RBP4: variants seen among roughly 807,000 people sequenced by gnomAD.
RBP4 encodes the protein retinol binding protein 4.
A neutral mutation model predicts 26.2 loss-of-function variants in RBP4; 9 were observed. The observed-to-expected ratio is 0.34, with a 90% CI of 0.21 to 0.60. The LOEUF is 0.60. Ranked by LOEUF, RBP4 falls within the 20% of genes least tolerant of loss-of-function variation. RBP4 has a pLI of 0.80. For missense variants in RBP4, 244 were observed against 271.3 expected (o/e 0.90, Z 0.71); for synonymous variants, 114 against 111.0 (o/e 1.03, Z -0.17).
intron 5 of RBP4, 147 bp downstream of exon 5, chr10:93,593,676 A>G: frequency 5.7e-6 from 5 of 873,216 alleles, no homozygotes; most frequent in Non-Finnish European, 9.1e-6. Flanking sequence ...GCCAAGCAGG[A>G]TCTGGATTTG....
intron 2 of RBP4, 22 bp downstream of exon 2, chr10:93,600,896 G>T: frequency 6.2e-7 from 1 of 1,611,598 alleles, no homozygotes; most frequent in Non-Finnish European, 8.5e-7. Context: ...GGGCCGCCTG[G>T]GCCCCCTGGG....
upstream of RBP4, chr10:93,601,707 AATAATTC>A (rs1470793636): frequency 1.3e-6 from 1 of 779,014 alleles, no homozygotes; most frequent in East Asian, 2.4e-5. Flanking sequence ...GGAATTTTGG[AATAATTC>A]ATCCAAGTAG....
Position 93,600,905 on chromosome 10 carries a change from G to A in RBP4, c.111+13C>T, listed in dbSNP as rs770310391. On this transcript the variant is annotated intron_variant, in intron 2 of 5. Transcript: ENST00000371464. ...GGACCTGGGCCGCCTGGGCCCCCTG[G>A]GCCGATACCTACGCGAGCCTTGTCG... 6.2e-7 allele frequency: 1 copy of A among 1,612,132 alleles called. No homozygotes were observed. The highest frequency in any genetic ancestry group is 8.5e-7 in the Non-Finnish European group (1 of 1,179,670).
At chr10:93,592,645 T>C (rs1454039626) in intron 5 of RBP4, among the ~76,000 whole-genome samples, 2 of 152,198 alleles carry the variant, frequency 1.3e-5, no homozygotes, top group African/African-American at 2.4e-5. Context: ...ATCTGTACAA[T>C]GTGCATAATC....
At chr10:93,598,787 G>C (rs1288718727) in intron 4 of RBP4, among the ~76,000 whole-genome samples, 1 of 152,110 alleles carries the variant, frequency 6.6e-6, no homozygotes, top group African/African-American at 2.4e-5. Context: ...GAACATATGT[G>C]TTTCCTCTTT....
chr10:93,596,742 C>T (rs1353392850), intron 4 of RBP4, among the ~76,000 whole-genome samples: 1 of 152,166 alleles, frequency 6.6e-6, no homozygotes, highest in Non-Finnish European at 1.5e-5. Flanking sequence ...TGGTAGAGGG[C>T]GCTGTCTCAG....
At chr10:93,597,844 C>G (rs1195662010) in intron 4 of RBP4, among the ~76,000 whole-genome samples, 1 of 152,122 alleles carries the variant, frequency 6.6e-6, no homozygotes, top group South Asian at 2.1e-4. Flanking sequence ...CTTGGAGTGG[C>G]CTTCAAATCC....
intron 4 of RBP4, among the ~76,000 whole-genome samples, chr10:93,594,948 T>C (rs960445925): frequency 2.0e-5 from 3 of 152,056 alleles, no homozygotes; most frequent in Admixed American, 6.6e-5. Flanking sequence ...GAGACCAACC[T>C]GGGCAACATA....
Position 93,591,960 on chromosome 10 carries a change from T to C in RBP4, c.*115A>G. On this transcript the variant is annotated 3_prime_UTR_variant, in exon 6 of 6. Coordinates refer to ENST00000371464, the MANE Select transcript of RBP4 (RefSeq NM_006744.4). ...GTATCTTTATGTGTAATGAAGGTTT[T>C]ATGGGAACTGAGGGAAGATGGGGAG... 1 of 901,734 alleles carries C rather than the reference T, an allele frequency of 1.1e-6. No individual in the cohort carries two copies. 55.9% of individuals were successfully genotyped at this position (901,734 alleles called of 1,614,324 possible).
chr10:93,595,082 A>G (rs115185967), intron 4 of RBP4, among the ~76,000 whole-genome samples: 6,015 of 152,244 alleles, frequency 0.04, 356 homozygotes, highest in African/African-American at 0.13. Context: ...CAAGGCTACA[A>G]TGAGCTAGGT....
chr10:93,601,488 A>G (rs995478556), upstream of RBP4: 24 of 806,726 alleles, frequency 3.0e-5, no homozygotes, highest in African/African-American at 3.5e-4. Context: ...TGGCTCAGTT[A>G]CCCTGCACTC....
At chr10:93,594,147 A>C (rs2058287548) in intron 4 of RBP4, 112 bp from the exon 5 acceptor site, 1 of 1,052,968 alleles carries the variant, frequency 9.5e-7, no homozygotes, top group Non-Finnish European at 1.4e-6. Flanking sequence ...AGCTGGTTTT[A>C]TTTCTTTAGG....
At position 93,593,407 on chromosome 10, in the gene RBP4, A is replaced by G. The variant is rs937237124; in HGVS notation, c.568+416T>C. On this transcript the variant is annotated intron_variant, in intron 5 of 5. Transcript: ENST00000371464. The stretch of plus-strand genomic sequence containing the variant: ...AATCATTCTCTTTGGAGCTTACTAC[A>G]TTGATGCCCCCTGTGGAGTTTTTAC... Among the ~76,000 whole-genome samples, 5 of 152,308 alleles carry G rather than the reference A, an allele frequency of 3.3e-5. No homozygotes were observed. The East Asian group carries it at 9.7e-4, about 29-fold the overall frequency.
At position 93,601,158 on chromosome 10, in the gene RBP4, G is replaced by A; in HGVS notation, c.-19+13C>T. On this transcript the variant is annotated intron_variant, in intron 1 of 5. Coordinates refer to ENST00000371464, the MANE Select transcript of RBP4 (RefSeq NM_006744.4). ...ATCCCGCCGCCGGCCCCGAGGCCCC[G>A]GCCGCGACTCACCACCGGGAGGGGA... is the stretch of plus-strand genomic sequence containing the variant. 8 of 1,398,488 alleles carry A rather than the reference G, an allele frequency of 5.7e-6. No homozygotes were observed. Among genetic ancestry groups the A allele is most frequent in the Non-Finnish European group, 7.5e-6 (8 of 1,068,706 alleles). 86.6% of individuals were successfully genotyped at this position (1,398,488 alleles called of 1,614,324 possible). A position where few individuals can be genotyped will look rare whatever the true frequency, so the allele number is the denominator to read the frequency against.
upstream of RBP4, chr10:93,601,547 G>A: frequency 1.5e-6 from 1 of 660,820 alleles, no homozygotes; most frequent in Non-Finnish European, 2.7e-6. Flanking sequence ...GGGGCCAGTG[G>A]CTCTGGCAGG....
Position 93,591,993 on chromosome 10 carries a change from C to T in RBP4, c.*82G>A. On this transcript the variant is annotated 3_prime_UTR_variant, in exon 6 of 6. Coordinates refer to ENST00000371464, the MANE Select transcript of RBP4 (RefSeq NM_006744.4). Reference sequence around the variant, plus strand: ...CTGAGGGAAGATGGGGAGAGAAGGGCAAATTAAACTCCTAAGATAAATAGA... The same window carrying T: ...CTGAGGGAAGATGGGGAGAGAAGGGTAAATTAAACTCCTAAGATAAATAGA... 1 of 1,206,518 alleles carries T rather than the reference C, an allele frequency of 8.3e-7. No homozygotes were observed. Among genetic ancestry groups the T allele is most frequent in the Non-Finnish European group, 1.2e-6 (1 of 810,256 alleles). 74.7% of individuals were successfully genotyped at this position (1,206,518 alleles called of 1,614,324 possible). A position where few individuals can be genotyped will look rare whatever the true frequency, so the allele number is the denominator to read the frequency against.
chr10:93,594,561 T>C (rs2058290624), intron 4 of RBP4, among the ~76,000 whole-genome samples: 1 of 152,228 alleles, frequency 6.6e-6, no homozygotes, highest in Non-Finnish European at 1.5e-5. Context: ...GCCACGCCCA[T>C]GGTCACGGCT....
At chr10:93,598,103 C>T (rs74150281) in intron 4 of RBP4, among the ~76,000 whole-genome samples, 4,055 of 152,278 alleles carry the variant, frequency 0.027, 191 homozygotes, top group African/African-American at 0.093. Context: ...CCAGTCACTT[C>T]TCTATGGGCC....
chr10:93,597,077 C>T (rs781069228), intron 4 of RBP4, among the ~76,000 whole-genome samples: 40 of 152,188 alleles, frequency 2.6e-4, no homozygotes, highest in Non-Finnish European at 4.8e-4. Flanking sequence ...ACAGCATACC[C>T]AAGGAGCATA....
Sources: gnomAD v4.1 joint callset for allele counts (sites outside exome capture counted in the v4.1 genomes callset) on GRCh38, gnomAD v4.1.1 for gene constraint, MANE v1.5 for transcripts, NCBI Gene and HGNC (gene_info 2026-07-23, HGNC 2026-07-21) for gene names.